The following EBF1 variants were observed in gnomAD, a reference collection of about 807,000 sequenced individuals.
The protein encoded by EBF1 is transcription factor COE1.
In EBF1, 10 loss-of-function variants were observed where a neutral mutation model predicts 68.4. The ratio of observed to expected loss-of-function variants is 0.15; its 90% CI spans 0.09 to 0.25. EBF1 has a LOEUF of 0.25. Ranked by LOEUF, EBF1 falls within the 10% of genes least tolerant of loss-of-function variation. The pLI, the probability that EBF1 is intolerant of heterozygous loss-of-function variation, is 1.00. For missense variants in EBF1, 509 were observed against 794.4 expected (o/e 0.64, Z 4.32); for synonymous variants, 298 against 299.8 (o/e 0.99, Z 0.06).
chr5:158,804,683 G>A (rs908624101), intron 8 of EBF1, among the ~76,000 whole-genome samples: 10 of 152,102 alleles, frequency 6.6e-5, no homozygotes, highest in Non-Finnish European at 1.2e-4. Context: ...TGCAAAAATT[G>A]TTTGTTAACT....
chr5:158,923,488 C>G (rs1482596203), intron 6 of EBF1, among the ~76,000 whole-genome samples: 1 of 152,116 alleles, frequency 6.6e-6, no homozygotes, highest in Non-Finnish European at 1.5e-5. Context: ...GGTCTCAGAT[C>G]GCTCCATCAA....
intron 10 of EBF1, among the ~76,000 whole-genome samples, chr5:158,770,720 C>G (rs539538693): frequency 1.3e-5 from 2 of 152,180 alleles, no homozygotes; most frequent in African/African-American, 4.8e-5. Flanking sequence ...CTACCCCCAC[C>G]CTTCACTGGT....
intron 10 of EBF1, among the ~76,000 whole-genome samples, chr5:158,750,116 CAGGA>C (rs1221961319): frequency 6.6e-6 from 1 of 152,044 alleles, no homozygotes; most frequent in Non-Finnish European, 1.5e-5. Context: ...GAGGTGCATC[CAGGA>C]ATAGATACAA....
intron 6 of EBF1, among the ~76,000 whole-genome samples, chr5:158,935,004 G>A (rs757995428): frequency 8.5e-5 from 13 of 152,342 alleles, no homozygotes; most frequent in Admixed American, 4.6e-4. Context: ...TGCAACCCAG[G>A]CAGGCTGGCT....
intron 6 of EBF1, among the ~76,000 whole-genome samples, chr5:158,885,933 T>C (rs906738799): frequency 2.0e-5 from 3 of 152,234 alleles, no homozygotes; most frequent in African/African-American, 7.2e-5. Flanking sequence ...AAATTGCTTC[T>C]CTGCCTCTGC....
chr5:158,855,887 C>T (rs1278711500), intron 6 of EBF1, among the ~76,000 whole-genome samples: 1 of 152,208 alleles, frequency 6.6e-6, no homozygotes. Flanking sequence ...GGTGGGACAC[C>T]CCCTGCCCTG....
chr5:158,724,119 A>G (rs2127526251), intron 11 of EBF1, among the ~76,000 whole-genome samples: 1 of 152,310 alleles, frequency 6.6e-6, no homozygotes, highest in African/African-American at 2.4e-5. Flanking sequence ...AGTGGGGGAA[A>G]TGGACAGCAT....
chr5:158,710,487 G>A (rs187639481), intron 14 of EBF1, among the ~76,000 whole-genome samples: 10 of 152,320 alleles, frequency 6.6e-5, no homozygotes, highest in African/African-American at 2.2e-4. Context: ...ATCTCTATGA[G>A]AAACAATCTT....
intron 8 of EBF1, among the ~76,000 whole-genome samples, chr5:158,802,458 G>A (rs1343238976): frequency 6.6e-6 from 1 of 152,068 alleles, no homozygotes; most frequent in African/African-American, 2.4e-5. Context: ...TACATATGGT[G>A]TAGGAAAACG....
At chr5:159,069,157 C>T (rs1003916559) in intron 6 of EBF1, among the ~76,000 whole-genome samples, 1 of 151,880 alleles carries the variant, frequency 6.6e-6, no homozygotes, top group African/African-American at 2.4e-5. Flanking sequence ...TCTAAATTCA[C>T]ACCAATAGGA....
intron 6 of EBF1, among the ~76,000 whole-genome samples, chr5:158,873,357 A>C (rs1357785030): frequency 6.6e-6 from 1 of 152,208 alleles, no homozygotes; most frequent in African/African-American, 2.4e-5. Flanking sequence ...TCTATAGAAT[A>C]CACAGCTCTC....
chr5:158,898,333 G>A (rs975693998), intron 6 of EBF1, among the ~76,000 whole-genome samples: 2 of 152,030 alleles, frequency 1.3e-5, no homozygotes, highest in South Asian at 2.1e-4. Context: ...AATTTCTGAC[G>A]CTGACAGAAA....
At chr5:159,095,730 G>A (rs1454761268) in intron 3 of EBF1, 55 bp from the exon 4 acceptor site, 12 of 1,579,742 alleles carry the variant, frequency 7.6e-6, no homozygotes, top group African/African-American at 1.4e-5. Context: ...TACGGAGGGT[G>A]GGTGGACAAT....
chr5:159,027,762 T>C (rs1767983116), intron 6 of EBF1, among the ~76,000 whole-genome samples: 1 of 152,202 alleles, frequency 6.6e-6, no homozygotes, highest in Non-Finnish European at 1.5e-5. Context: ...TGATTCTGGT[T>C]CCTACCCCTC....
intron 6 of EBF1, among the ~76,000 whole-genome samples, chr5:159,071,035 T>G (rs114703998): frequency 0.01 from 1,542 of 152,336 alleles, 11 homozygotes; most frequent in Non-Finnish European, 0.016. Context: ...AGTTCTTCTC[T>G]TGTTGTTATT....
intron 6 of EBF1, among the ~76,000 whole-genome samples, chr5:158,859,948 G>A (rs570029450): frequency 3.3e-4 from 50 of 152,262 alleles, no homozygotes; most frequent in African/African-American, 1.2e-3. Flanking sequence ...ATACAATCCT[G>A]TTTCCTCCAC....
chr5:158,715,766 C>T (rs1760539211), intron 11 of EBF1, among the ~76,000 whole-genome samples: 1 of 152,146 alleles, frequency 6.6e-6, no homozygotes, highest in Non-Finnish European at 1.5e-5. Context: ...ATTGTACGGG[C>T]ACACTAAACC....
At chr5:158,968,324 CAT>C in intron 6 of EBF1, among the ~76,000 whole-genome samples, 1 of 152,312 alleles carries the variant, frequency 6.6e-6, no homozygotes, top group African/African-American at 2.4e-5. Context: ...GGTAATGCAT[CAT>C]TCATGCCCCC....
intron 6 of EBF1, among the ~76,000 whole-genome samples, chr5:159,052,681 G>T (rs1774006150): frequency 6.6e-6 from 1 of 152,188 alleles, no homozygotes; most frequent in Non-Finnish European, 1.5e-5. Flanking sequence ...ATTTGGAGCT[G>T]CAAACCTTCG....
Sources: gnomAD v4.1 joint callset for allele counts (sites outside exome capture counted in the v4.1 genomes callset) on GRCh38, gnomAD v4.1.1 for gene constraint, MANE v1.5 for transcripts, NCBI Gene and HGNC (gene_info 2026-07-23, HGNC 2026-07-21) for gene names.